Variants in NLRP3 observed in about 807,000 individuals in gnomAD.
The protein encoded by NLRP3 is NLR family pyrin domain containing 3.
In NLRP3, 48 loss-of-function variants were observed where a neutral mutation model predicts 91.3. The observed-to-expected ratio is 0.53, with a 90% CI of 0.42 to 0.67. The LOEUF is 0.67. Among genes scored for constraint, NLRP3 ranks in the 30% least tolerant of loss-of-function variants. The pLI is 0.00. For synonymous variants in NLRP3, 561 were observed against 507.9 expected, an observed-to-expected ratio of 1.10 and a Z score of -1.41; for missense variants, 982 against 1,276.9, an observed-to-expected ratio of 0.77 and a Z score of 3.52.
At chr1:247,426,896 G>A (rs140705661) in intron 4 of NLRP3, among the ~76,000 whole-genome samples, 123 of 152,318 alleles carry the variant, frequency 8.1e-4, no homozygotes, top group African/African-American at 2.7e-3. Flanking sequence ...GGGGGCTTAC[G>A]GTGTTGAGAG....
chr1:247,433,448 G>A (rs28556841), intron 5 of NLRP3, among the ~76,000 whole-genome samples: 11,301 of 152,230 alleles, frequency 0.074, 712 homozygotes, highest in East Asian at 0.3. Context: ...AACCAGGAGC[G>A]CACCATTCAC....
chr1:247,444,594 G>T, intron 8 of NLRP3, 57 bp from the exon 9 acceptor site: 1 of 1,578,566 alleles, frequency 6.3e-7, no homozygotes, highest in Non-Finnish European at 8.7e-7. Context: ...CTAAAATCTT[G>T]GGGAGCTAGG....
intron 7 of NLRP3, among the ~76,000 whole-genome samples, chr1:247,440,732 C>T (rs560307324): frequency 6.6e-6 from 1 of 152,276 alleles, no homozygotes; most frequent in African/African-American, 2.4e-5. Context: ...CCGTCTCAGC[C>T]GCCCAAGTAG....
In NLRP3 at chr1:247,425,984, C is replaced by T. The variant is rs1046166293; in HGVS notation, c.2150+385C>T. On this transcript the variant is annotated intron_variant, in intron 4 of 9. Transcript: ENST00000336119. This position sits in a 1 kb window ranked among gnomAD's most constrained non-coding sequence, Gnocchi z 4.1. ...TGCCAGAGAGTCTGTGTCCCAGGAG[C>T]GAGGGGACAGAGGGCCTCAGAGCTG... Among the ~76,000 whole-genome samples, 2 of 152,004 alleles carry T rather than the reference C, an allele frequency of 1.3e-5. No homozygotes were observed. The highest frequency in any genetic ancestry group is 4.8e-5 in the African/African-American group (2 of 41,372).
At position 247,436,021 on chromosome 1, in the gene NLRP3, A is replaced by G. The variant is rs767265192; in HGVS notation, c.2544A>G (p.Val848=). Residue 848 remains valine (V), a synonymous_variant, in exon 7 of 10, where the codon GTA becomes GTG. Coordinates refer to ENST00000336119, the MANE Select transcript of NLRP3 (RefSeq NM_001243133.2). ...TSACCQDLAS[V]LSTSHSLTRL... ...CATGTTGTCAGGATCTTGCATCAGT[A>G]TTGAGCACCAGCCATTCCCTGACCA... 1.2e-6 allele frequency: 2 copies of G among 1,614,172 alleles called. No individual in the cohort carries two copies. The highest frequency in any genetic ancestry group is 1.7e-6 in the Non-Finnish European group (2 of 1,180,016).
At position 247,425,911 on chromosome 1, in the gene NLRP3, T is replaced by C; in HGVS notation, c.2150+312T>C. On this transcript the variant is annotated intron_variant, in intron 4 of 9. Coordinates refer to ENST00000336119, the MANE Select transcript of NLRP3 (RefSeq NM_001243133.2). The surrounding 1 kb of genome is among the most constrained non-coding windows in gnomAD (Gnocchi z 4.1). ...CAACTGAAATTTCTTGTAAGCTACT[T>C]GGAGCACTAGTGCCTAAGAGTCAGT... is the stretch of plus-strand genomic sequence containing the variant. The C allele has an allele frequency of 2.5e-6, 1 of 392,386 alleles. No homozygotes were observed. The highest frequency in any genetic ancestry group is 4.8e-6 in the Non-Finnish European group (1 of 206,808). The allele number at this position is 392,386 out of a possible 1,614,324, so 24.3% of individuals were successfully genotyped here.
intron 7 of NLRP3, among the ~76,000 whole-genome samples, chr1:247,439,891 C>T (rs940961615): frequency 6.6e-6 from 1 of 152,164 alleles, no homozygotes; most frequent in African/African-American, 2.4e-5. Context: ...ACAAACAACT[C>T]TGCAAAAAGC....
At chr1:247,436,522 C>A (rs962403402) in intron 7 of NLRP3, among the ~76,000 whole-genome samples, 5 of 152,142 alleles carry the variant, frequency 3.3e-5, no homozygotes, top group Admixed American at 3.3e-4. Flanking sequence ...AAAGAGCTCT[C>A]ACCCTGCAGC....
rs1662794808 is a variant in NLRP3, at chr1:247,425,370, G to A, written c.1921G>A (p.Val641Met). Residue 641 changes from valine to methionine, a missense_variant, in exon 4 of 10, where the codon GTG (valine) becomes ATG (methionine). Coordinates refer to ENST00000336119, the MANE Select transcript of NLRP3 (RefSeq NM_001243133.2). This position sits in a 1 kb window ranked among gnomAD's most constrained non-coding sequence, Gnocchi z 4.1. Reference sequence around the variant, plus strand: ...GTACGAGATGCAGGAGGAGGACTTCGTGCAAAGGGCCATGGACTATTTCCC... The same window carrying A: ...GTACGAGATGCAGGAGGAGGACTTCATGCAAAGGGCCATGGACTATTTCCC... ...CLYEMQEEDF[V>M]QRAMDYFPKI... The A allele has an allele frequency of 4.3e-6, 7 of 1,614,062 alleles. No homozygotes were observed. The highest frequency in any genetic ancestry group is 1.3e-5 in the African/African-American group (1 of 74,924).
chr1:247,417,554 T>G (rs1042225047), intron 1 of NLRP3, among the ~76,000 whole-genome samples: 1 of 152,174 alleles, frequency 6.6e-6, no homozygotes, highest in African/African-American at 2.4e-5. Context: ...TGATCTTGGC[T>G]CATCGCAACC....
In NLRP3 at chr1:247,424,565, C is replaced by T. The variant is rs374056197; in HGVS notation, c.1116C>T (p.Ser372=). The change falls in exon 4 of 10, where the codon TCC becomes TCT. Residue 372 remains serine, a synonymous_variant. Transcript: ENST00000336119. The surrounding 1 kb of genome is among the most constrained non-coding windows in gnomAD (Gnocchi z 8.1). The stretch of plus-strand genomic sequence containing the variant: ...GGCATGTGGAGATCCTGGGTTTCTC[C>T]GAGGCCAAAAGGAAAGAGTACTTCT... ...HPRHVEILGF[S]EAKRKEYFFK... The T allele has an allele frequency of 2.2e-5, 36 of 1,614,166 alleles. No homozygotes were observed. Among genetic ancestry groups the T allele is most frequent in the South Asian group, 6.6e-5 (6 of 91,090 alleles).
rs544388607 is a variant in NLRP3 at position 247,423,558 on chromosome 1, C to T, written c.397+209C>T. On this transcript the variant is annotated intron_variant, in intron 3 of 9. Transcript: ENST00000336119. ...CCCAGAGCCAGCGGCGGTGATTAAG[C>T]GTTTCAAGTTTGATAAGGCATAGGA... 2.6e-5 allele frequency among the ~76,000 whole-genome samples: 4 copies of T among 152,166 alleles called. No individual in the cohort carries two copies. In the East Asian group the frequency reaches 5.8e-4, roughly 22 times the overall value.
Position 247,426,229 on chromosome 1 carries a change from A to G in NLRP3, c.2150+630A>G, listed in dbSNP as rs185703867. 5.4e-4 allele frequency among the ~76,000 whole-genome samples: 82 copies of G among 152,322 alleles called. 1 individual carries two copies. The highest frequency in any genetic ancestry group is 7.4e-5 in the Non-Finnish European group (5 of 68,016). ...GATGAAGGTAAATCAAGGGAAATAG[A>G]GCAGAAATGTGGAGACCCTCTTTCT... is the stretch of plus-strand genomic sequence containing the variant. On this transcript the variant is annotated intron_variant, in intron 4 of 9. Transcript: ENST00000336119.
intron 5 of NLRP3, among the ~76,000 whole-genome samples, chr1:247,432,085 G>C (rs936343962): frequency 6.6e-6 from 1 of 152,110 alleles, no homozygotes; most frequent in Non-Finnish European, 1.5e-5. Flanking sequence ...AGGTTTCACC[G>C]TATTGGCTAG....
intron 6 of NLRP3, among the ~76,000 whole-genome samples, 170 bp downstream of exon 6, chr1:247,434,443 C>T (rs1056474269): frequency 1.3e-5 from 2 of 152,026 alleles, no homozygotes; most frequent in African/African-American, 2.4e-5. Context: ...GAGTGTTTGT[C>T]GTGGGGAAAG....
chr1:247,429,516 G>A (rs1663153528), intron 4 of NLRP3, 69 bp from the exon 5 acceptor site: 2 of 1,567,606 alleles, frequency 1.3e-6, no homozygotes, highest in Non-Finnish European at 1.8e-6. Flanking sequence ...AGGCACCCCG[G>A]CCCCCAGCTC....
intron 4 of NLRP3, among the ~76,000 whole-genome samples, chr1:247,426,302 G>A (rs1318780329): frequency 1.3e-5 from 2 of 152,136 alleles, no homozygotes; most frequent in Non-Finnish European, 2.9e-5. Context: ...CCCCGTTTTC[G>A]GGTCTGTTCA....
chr1:247,444,331 T>C (rs1664454446), intron 8 of NLRP3, among the ~76,000 whole-genome samples, 189 bp downstream of exon 8: 1 of 152,182 alleles, frequency 6.6e-6, no homozygotes, highest in Non-Finnish European at 1.5e-5. Context: ...ACTTGAGTCC[T>C]TACCATCACA....
intron 7 of NLRP3, among the ~76,000 whole-genome samples, chr1:247,443,258 C>G (rs890979814): frequency 6.6e-6 from 1 of 152,072 alleles, no homozygotes; most frequent in African/African-American, 2.4e-5. Flanking sequence ...TAGGCAGGGT[C>G]TCACTCTGTC....
Sources: gnomAD v4.1 joint callset for allele counts (sites outside exome capture counted in the v4.1 genomes callset) on GRCh38, gnomAD v4.1.1 for gene constraint, Gnocchi (gnomAD v3.1) non-coding constraint, MANE v1.5 for transcripts, NCBI Gene and HGNC (gene_info 2026-07-23, HGNC 2026-07-21) for gene names.